The following MEIKIN variants were observed in gnomAD, a reference collection of about 807,000 sequenced individuals.
MEIKIN encodes the protein meiotic kinetochore factor, also known as meiosis-specific kinetochore protein.
At chr5:131,876,411 G>A (rs1451538457) in intron 9 of MEIKIN, among the ~76,000 whole-genome samples, 3 of 150,764 alleles carry the variant, frequency 2.0e-5, no homozygotes, top group Non-Finnish European at 4.4e-5. Context: ...ATCATCACTG[G>A]TCATCAGAGA....
At chr5:131,930,946 T>C (rs1324192109) in intron 5 of MEIKIN, among the ~76,000 whole-genome samples, 1 of 152,240 alleles carries the variant, frequency 6.6e-6, no homozygotes, top group Non-Finnish European at 1.5e-5. Context: ...GTCAGACAAT[T>C]TGTATATCTC....
At chr5:131,819,765 A>ATTTTTTTTTTTTTTTT (rs1167213249) in intron 11 of MEIKIN, among the ~76,000 whole-genome samples, 4 of 64,576 alleles carry the variant, frequency 6.2e-5, no homozygotes, top group African/African-American at 3.1e-4. Flanking sequence ...ACATCCAGCT[A>ATTTTTTTTTTTTTTTT]TTTTTTTTTT....
chr5:131,888,206 G>A lies in MEIKIN; in HGVS notation c.704-9158C>T, dbSNP rs1267325711. Among the ~76,000 whole-genome samples, 537 of 142,876 alleles carry A rather than the reference G, an allele frequency of 3.8e-3. 2 individuals are homozygous for A. Among genetic ancestry groups the A allele is most frequent in the African/African-American group, 0.013 (468 of 35,556 alleles). 93.7% of individuals were successfully genotyped at this position (142,876 alleles called of 152,430 possible). On this transcript the variant is annotated intron_variant, in intron 8 of 12. Coordinates refer to ENST00000442687, the MANE Select transcript of MEIKIN (RefSeq NM_001303622.2). ...TGTCTTTATAGCAGCATGATTTATAGTCCTTTGGGTATATACCCAGTAATG... is the reference window on the plus strand; with the variant it reads ...TGTCTTTATAGCAGCATGATTTATAATCCTTTGGGTATATACCCAGTAATG...
chr5:131,841,259 T>A (rs548756045), intron 11 of MEIKIN, among the ~76,000 whole-genome samples: 1 of 152,292 alleles, frequency 6.6e-6, no homozygotes, highest in South Asian at 2.1e-4. Context: ...CCCAGACTAC[T>A]GGTCTCTACA....
chr5:131,847,746 T>C (rs889780151), intron 11 of MEIKIN, among the ~76,000 whole-genome samples: 1 of 152,054 alleles, frequency 6.6e-6, no homozygotes, highest in African/African-American at 2.4e-5. Flanking sequence ...GCACATGGGA[T>C]ATTTTACAGG....
intron 11 of MEIKIN, among the ~76,000 whole-genome samples, chr5:131,843,007 G>C (rs534861512): frequency 6.6e-6 from 1 of 152,304 alleles, no homozygotes; most frequent in East Asian, 1.9e-4. Flanking sequence ...CTTGCCTTCT[G>C]TGCACCTGCA....
intron 8 of MEIKIN, among the ~76,000 whole-genome samples, chr5:131,891,187 T>C (rs566722767): frequency 4.6e-5 from 7 of 152,338 alleles, no homozygotes; most frequent in South Asian, 4.1e-4. Flanking sequence ...AAAGAATGTA[T>C]ATTCTGTTGA....
At chr5:131,888,672 C>CA (rs1750846667) in intron 8 of MEIKIN, among the ~76,000 whole-genome samples, 1 of 152,150 alleles carries the variant, frequency 6.6e-6, no homozygotes, top group African/African-American at 2.4e-5. Flanking sequence ...CCTGGTCACT[C>CA]TGATGGTAGT....
chr5:131,832,630 C>T (rs567948486), intron 11 of MEIKIN, among the ~76,000 whole-genome samples: 5 of 152,244 alleles, frequency 3.3e-5, no homozygotes, highest in African/African-American at 7.2e-5. Context: ...GTGAGAAACC[C>T]GCCCTTGCAG....
intron 6 of MEIKIN, among the ~76,000 whole-genome samples, chr5:131,917,662 A>G (rs781373651): frequency 6.6e-5 from 10 of 152,304 alleles, no homozygotes; most frequent in Non-Finnish European, 1.3e-4. Context: ...TAGTCAAGAA[A>G]ATTTCTGCCA....
rs1491380950 is a variant in MEIKIN, at chr5:131,863,556, CCT to C, written c.775-8724_775-8723del. ...ATCATTATATAATGACCTTCTTTGT[CCT>C]TTTTTTTTTTTTTTTTTTTTTTTTT... On this transcript the variant is annotated intron_variant, in intron 9 of 12. Transcript: ENST00000442687. Among the ~76,000 whole-genome samples, 289 of 41,982 alleles carry C rather than the reference CCT, an allele frequency of 6.9e-3. 3 individuals are homozygous for C. The highest frequency in any genetic ancestry group is 0.034 in the African/African-American group (274 of 8,114). The allele number at this position is 41,982 out of a possible 152,430, so 27.5% of individuals were successfully genotyped here.
chr5:131,807,179 A>G lies in MEIKIN; in HGVS notation c.*57T>C. The G allele has an allele frequency of 2.5e-6, 1 of 398,334 alleles. No homozygotes were observed. Among genetic ancestry groups the G allele is most frequent in the East Asian group, 3.6e-5 (1 of 28,066 alleles). 24.7% of individuals were successfully genotyped at this position (398,334 alleles called of 1,614,324 possible). A position where few individuals can be genotyped will look rare whatever the true frequency, so the allele number is the denominator to read the frequency against. Reference sequence around the variant, plus strand: ...TTCAGGCAGACATTCTGCTTTATAGACTTTGACTTCACACTCCTGTCTTCA... The same window carrying G: ...TTCAGGCAGACATTCTGCTTTATAGGCTTTGACTTCACACTCCTGTCTTCA... On this transcript the variant is annotated 3_prime_UTR_variant, in exon 13 of 13. Coordinates refer to ENST00000442687, the MANE Select transcript of MEIKIN (RefSeq NM_001303622.2).
At chr5:131,812,131 A>G (rs1371935922) in intron 12 of MEIKIN, among the ~76,000 whole-genome samples, 2 of 152,234 alleles carry the variant, frequency 1.3e-5, no homozygotes, top group Non-Finnish European at 2.9e-5. Context: ...TTTATACTGT[A>G]TGTAGATAAT....
intron 11 of MEIKIN, among the ~76,000 whole-genome samples, chr5:131,849,646 T>C (rs1750077602): frequency 6.7e-6 from 1 of 150,172 alleles, no homozygotes; most frequent in Non-Finnish European, 1.5e-5. Flanking sequence ...TCTTTATAAA[T>C]TACCCAGTCT....
At chr5:131,887,673 T>A (rs919903479) in intron 8 of MEIKIN, among the ~76,000 whole-genome samples, 7 of 152,042 alleles carry the variant, frequency 4.6e-5, no homozygotes, top group African/African-American at 1.7e-4. Context: ...TGCTCATTTT[T>A]TGTTGGGTTT....
intron 6 of MEIKIN, among the ~76,000 whole-genome samples, chr5:131,919,000 C>A (rs1751460785): frequency 6.6e-6 from 1 of 152,038 alleles, no homozygotes. Flanking sequence ...AAAATTTTTG[C>A]ATGACAAAAC....
At chr5:131,892,335 C>T (rs1198068559) in intron 8 of MEIKIN, among the ~76,000 whole-genome samples, 3 of 152,166 alleles carry the variant, frequency 2.0e-5, no homozygotes, top group African/African-American at 7.2e-5. Flanking sequence ...CCATTCTCCC[C>T]GTCACTTTCA....
chr5:131,834,642 A>C (rs1326572547), intron 11 of MEIKIN, among the ~76,000 whole-genome samples: 2 of 152,044 alleles, frequency 1.3e-5, no homozygotes, highest in Non-Finnish European at 2.9e-5. Flanking sequence ...CATACATGTC[A>C]CCTTTCTTCT....
At chr5:131,935,580 T>C (rs1751763977) in intron 4 of MEIKIN, among the ~76,000 whole-genome samples, 1 of 152,174 alleles carries the variant, frequency 6.6e-6, no homozygotes, top group Non-Finnish European at 1.5e-5. Flanking sequence ...AAGATAGAGA[T>C]CAACACTGAT....
Sources: allele counts gnomAD v4.1 joint callset (sites outside exome capture counted in the v4.1 genomes callset), GRCh38; gene constraint gnomAD v4.1.1; transcripts MANE v1.5; gene names NCBI Gene and HGNC (gene_info 2026-07-23, HGNC 2026-07-21).